The following CDH18 variants were observed in gnomAD, a reference collection of about 807,000 sequenced individuals.
CDH18 encodes the protein cadherin-18.
CDH18 carries 31 observed loss-of-function variants against 67.9 expected under a neutral mutation model. The ratio of observed to expected loss-of-function variants is 0.46; its 90% CI spans 0.34 to 0.62. The LOEUF is 0.62. Among genes scored for constraint, CDH18 ranks in the 20% least tolerant of loss-of-function variants. The probability of loss-of-function intolerance (pLI) is 0.01; values close to 1 mark genes in which losing one functional copy is unlikely to be tolerated. For missense variants in CDH18, 890 were observed against 975.5 expected (o/e 0.91, Z 1.17); for synonymous variants, 362 against 347.2 (o/e 1.04, Z -0.48).
intron 1 of CDH18, among the ~76,000 whole-genome samples, chr5:20,439,278 C>T (rs1749421201): frequency 6.6e-6 from 1 of 151,568 alleles, no homozygotes; most frequent in South Asian, 2.1e-4. Flanking sequence ...ATAGAAAAAA[C>T]TAAGGTTTGC....
chr5:20,340,456 C>T (rs147899848), intron 1 of CDH18, among the ~76,000 whole-genome samples: 2 of 152,140 alleles, frequency 1.3e-5, no homozygotes, highest in African/African-American at 4.8e-5. Context: ...CTGTTAATTG[C>T]TACAGGTGTG....
rs560282601 is a variant in CDH18 at position 20,009,550 on chromosome 5, C to T, written c.-517-17536G>A. Among the ~76,000 whole-genome samples the T allele has an allele frequency of 2.9e-4, 44 of 151,952 alleles. No homozygotes were observed. In the South Asian group the frequency reaches 7.1e-3, roughly 24 times the overall value. ...CACTGGTGATCAGTTTAACTGGTGG[C>T]GAGTTAATCTATATAGAGAACTTTA... is the stretch of plus-strand genomic sequence containing the variant. On this transcript the variant is annotated intron_variant, in intron 2 of 14. Transcript: ENST00000507958.
At chr5:19,716,008 A>C (rs1445493372) in intron 5 of CDH18, among the ~76,000 whole-genome samples, 2 of 151,962 alleles carry the variant, frequency 1.3e-5, no homozygotes, top group Admixed American at 1.3e-4. Flanking sequence ...CAGCAGAGAC[A>C]GGATTTCACC....
At chr5:20,070,135 C>T (rs1235457800) in intron 2 of CDH18, among the ~76,000 whole-genome samples, 1 of 152,138 alleles carries the variant, frequency 6.6e-6, no homozygotes, top group Non-Finnish European at 1.5e-5. Context: ...TTTGCCTTTT[C>T]CCAAAAGCTA....
chr5:19,653,095 T>G (rs1220795903), intron 5 of CDH18, among the ~76,000 whole-genome samples: 3 of 152,040 alleles, frequency 2.0e-5, no homozygotes, highest in Non-Finnish European at 4.4e-5. Context: ...ATCTCTTAGT[T>G]TTTTAGATAC....
intron 1 of CDH18, among the ~76,000 whole-genome samples, chr5:20,442,289 T>G (rs966882058): frequency 6.6e-6 from 1 of 151,932 alleles, no homozygotes; most frequent in African/African-American, 2.4e-5. Context: ...ATTTTTGCTA[T>G]GGAATTAAAC....
chr5:19,534,808 A>C (rs1183593459), intron 9 of CDH18, among the ~76,000 whole-genome samples: 1 of 152,118 alleles, frequency 6.6e-6, no homozygotes, highest in Admixed American at 6.6e-5. Context: ...AACAATGTGT[A>C]ATTTCTGAGG....
chr5:20,358,129 T>C (rs1166179380), intron 1 of CDH18, among the ~76,000 whole-genome samples: 1 of 152,014 alleles, frequency 6.6e-6, no homozygotes, highest in Non-Finnish European at 1.5e-5. Context: ...ATGGAAACAA[T>C]AGATACTGGA....
intron 3 of CDH18, among the ~76,000 whole-genome samples, chr5:19,771,234 G>A (rs559404777): frequency 2.0e-5 from 3 of 152,148 alleles, no homozygotes; most frequent in Admixed American, 1.3e-4. Flanking sequence ...GTGGGACATA[G>A]CGACTCCTTG....
chr5:19,752,125 G>C (rs915507960), intron 3 of CDH18, among the ~76,000 whole-genome samples: 1 of 152,154 alleles, frequency 6.6e-6, no homozygotes, highest in East Asian at 1.9e-4. Context: ...GGAGCAGTGT[G>C]AATTTAGAAA....
At chr5:19,879,590 T>G (rs1029855514) in intron 2 of CDH18, among the ~76,000 whole-genome samples, 5 of 152,034 alleles carry the variant, frequency 3.3e-5, no homozygotes, top group Non-Finnish European at 7.4e-5. Flanking sequence ...CAGCAGTAGA[T>G]ATAAAGTATT....
intron 4 of CDH18, among the ~76,000 whole-genome samples, chr5:19,722,532 A>G (rs1220424002): frequency 2.0e-5 from 3 of 150,320 alleles, no homozygotes; most frequent in African/African-American, 7.4e-5. Flanking sequence ...CTTACTTTTT[A>G]AAACACGATT....
At chr5:19,980,212 A>AAAAAC (rs70954628) in intron 2 of CDH18, among the ~76,000 whole-genome samples, 66,401 of 151,192 alleles carry the variant, frequency 0.44, 16,325 homozygotes, top group Middle Eastern at 0.66. Context: ...TACAACAGCA[A>AAAAAC]AAAACAAAAC....
intron 2 of CDH18, among the ~76,000 whole-genome samples, chr5:20,165,626 A>C (rs1736223003): frequency 6.6e-6 from 1 of 152,262 alleles, no homozygotes; most frequent in South Asian, 2.1e-4. Context: ...ACATGTAACC[A>C]TTAGGATATT....
chr5:19,494,059 C>A (rs1741899901), intron 11 of CDH18, among the ~76,000 whole-genome samples: 1 of 152,110 alleles, frequency 6.6e-6, no homozygotes, highest in Non-Finnish European at 1.5e-5. Context: ...TCTAATTTTA[C>A]AAATGAGTAT....
chr5:20,345,777 C>T (rs1740648122), intron 1 of CDH18, among the ~76,000 whole-genome samples: 1 of 152,050 alleles, frequency 6.6e-6, no homozygotes, highest in African/African-American at 2.4e-5. Context: ...CAAGCAGGCA[C>T]CACCAATTCC....
intron 1 of CDH18, among the ~76,000 whole-genome samples, chr5:20,377,729 C>T (rs1743578369): frequency 6.6e-6 from 1 of 152,094 alleles, no homozygotes; most frequent in Admixed American, 6.5e-5. Context: ...TATAATATCA[C>T]ATCCTTTATA....
intron 1 of CDH18, among the ~76,000 whole-genome samples, chr5:20,334,998 G>C (rs1205826123): frequency 1.3e-5 from 2 of 152,128 alleles, no homozygotes; most frequent in African/African-American, 4.8e-5. Context: ...GGACACAGTT[G>C]ATACCTTCCT....
intron 6 of CDH18, among the ~76,000 whole-genome samples, chr5:19,601,611 C>T (rs1171350773): frequency 1.5e-5 from 2 of 136,722 alleles, no homozygotes; most frequent in Non-Finnish European, 3.1e-5. Context: ...ATAAGACCAG[C>T]ATTCTCCTGA....
Sources: gnomAD v4.1 joint callset for allele counts (sites outside exome capture counted in the v4.1 genomes callset) on GRCh38, gnomAD v4.1.1 for gene constraint, MANE v1.5 for transcripts, NCBI Gene and HGNC (gene_info 2026-07-23, HGNC 2026-07-21) for gene names.